SLC45A4: variants seen among roughly 807,000 people sequenced by gnomAD.
SLC45A4 encodes the protein solute carrier family 45 member 4, also known as polyamine-transporter SLC45A4.
Under a neutral mutation model 63.7 loss-of-function variants are expected in SLC45A4, and 32 were observed. That is an observed-to-expected ratio of 0.50 (90% CI 0.38 to 0.67). The LOEUF (loss-of-function observed/expected upper bound fraction) is 0.67. Ranked by LOEUF, SLC45A4 falls within the 30% of genes least tolerant of loss-of-function variation. SLC45A4 has a pLI of 0.00. For synonymous variants in SLC45A4, 535 were observed against 510.0 expected (o/e 1.05, Z -0.66); for missense variants, 1,027 against 1,157.7 (o/e 0.89, Z 1.64).
chr8:141,214,461 G>A (rs1362222761), intron 7 of SLC45A4, among the ~76,000 whole-genome samples: 1 of 152,168 alleles, frequency 6.6e-6, no homozygotes, highest in Non-Finnish European at 1.5e-5. Flanking sequence ...TCACACTGAT[G>A]CACTGAGGAT....
chr8:141,269,061 A>C (rs1297072358), intron 1 of SLC45A4, among the ~76,000 whole-genome samples: 1 of 152,160 alleles, frequency 6.6e-6, no homozygotes, highest in Non-Finnish European at 1.5e-5. Context: ...GACCCACTGG[A>C]TCAGAGACCA....
chr8:141,295,617 A>G (rs1830517191), intron 1 of SLC45A4, among the ~76,000 whole-genome samples: 1 of 152,198 alleles, frequency 6.6e-6, no homozygotes, highest in South Asian at 2.1e-4. Flanking sequence ...GGGACGCAGA[A>G]AACAGGGTAA....
intron 2 of SLC45A4, among the ~76,000 whole-genome samples, chr8:141,250,199 A>G (rs1263855516): frequency 2.0e-5 from 3 of 152,220 alleles, no homozygotes; most frequent in Non-Finnish European, 1.5e-5. Flanking sequence ...TGGGCTTATG[A>G]TGGTGGGACC....
rs150427043 is a variant in SLC45A4, at chr8:141,219,704, C to G, written c.556G>C (p.Val186Leu). 17 of 1,612,402 alleles carry G rather than the reference C, an allele frequency of 1.1e-5. 1 individual carries two copies. In the South Asian group the frequency reaches 1.8e-4, roughly 17 times the overall value. Residue 186 changes from valine to leucine, a missense_variant, in exon 4 of 9, where the codon GTG becomes CTG. Val to Leu is a conservative substitution (Grantham distance 32). Coordinates refer to ENST00000517878, the MANE Select transcript of SLC45A4 (RefSeq NM_001286646.2). The part of the protein sequence containing the change: ...EGPIRAYLLD[V>L]VDSEEQDMAL... ...ATGTCCTGCTCCTCGCTGTCCACCACGTCCAGCAGATAGGCACGGATGGGC... is the reference window on the plus strand; with the variant it reads ...ATGTCCTGCTCCTCGCTGTCCACCAGGTCCAGCAGATAGGCACGGATGGGC...
In SLC45A4 at chr8:141,208,368, G is replaced by A. The variant is rs1313460309; in HGVS notation, c.*3204C>T. Reference sequence around the variant, plus strand: ...TGCAGCTCCCCCTTCCAGCCCTCTTGTTGCTGCAGGGACGGCTTCCTGTTC... The same window carrying A: ...TGCAGCTCCCCCTTCCAGCCCTCTTATTGCTGCAGGGACGGCTTCCTGTTC... On this transcript the variant is annotated 3_prime_UTR_variant, in exon 9 of 9. Coordinates refer to ENST00000517878, the MANE Select transcript of SLC45A4 (RefSeq NM_001286646.2). The A allele has an allele frequency of 3.3e-5, 5 of 152,108 alleles. No individual in the cohort carries two copies. Among genetic ancestry groups the A allele is most frequent in the Admixed American group, 3.3e-4 (5 of 15,274 alleles). The allele number at this position is 152,108 out of a possible 1,614,324, so 9.4% of individuals were successfully genotyped here.
intron 2 of SLC45A4, chr8:141,253,297 G>A (rs547216830): frequency 2.1e-5 from 4 of 190,430 alleles, no homozygotes; most frequent in African/African-American, 2.4e-5. Flanking sequence ...ACCTGCGTGT[G>A]TCTGTGAATT....
At chr8:141,212,579 C>T (rs749394330) in intron 7 of SLC45A4, 23 bp from the exon 8 acceptor site, 11 of 1,572,308 alleles carry the variant, frequency 7.0e-6, no homozygotes, top group South Asian at 4.6e-5. Context: ...AAACACGAGG[C>T]GGTGAGCGGC....
chr8:141,245,847 G>A (rs1480555484), intron 2 of SLC45A4, among the ~76,000 whole-genome samples: 1 of 152,200 alleles, frequency 6.6e-6, no homozygotes, highest in African/African-American at 2.4e-5. Context: ...TAAGGATGGT[G>A]CAGGCTGAAT....
chr8:141,302,070 A>AT (rs917476089), intron 1 of SLC45A4, among the ~76,000 whole-genome samples: 5 of 152,202 alleles, frequency 3.3e-5, no homozygotes, highest in Non-Finnish European at 5.9e-5. Flanking sequence ...CAATTTGTTC[A>AT]TTTTTTAAAA....
rs929717112 is a variant in SLC45A4, at chr8:141,218,092, G to A, written c.1548C>T (p.Leu516=). The A allele has an allele frequency of 1.2e-6, 2 of 1,612,778 alleles. No homozygotes were observed. The highest frequency in any genetic ancestry group is 1.7e-6 in the Non-Finnish European group (2 of 1,179,966). ...CGGCGATGACAGAGAACCAGGTGAG[G>A]AGGTGGCAGAGGCACAGCCGCATCA... ...RELMRLCLCH[L]LTWFSVIAEA... is the part of the protein sequence containing the mutation. Residue 516 remains leucine, a synonymous_variant, in exon 5 of 9, where the codon CTC becomes CTT. Transcript: ENST00000517878.
chr8:141,306,431 G>A (rs1830900162), intron 1 of SLC45A4, among the ~76,000 whole-genome samples: 1 of 111,972 alleles, frequency 8.9e-6, no homozygotes, highest in Admixed American at 1.0e-4. Flanking sequence ...TCCTCCACCC[G>A]GAACCTGCAG....
intron 8 of SLC45A4, 101 bp downstream of exon 8, chr8:141,212,096 G>T: frequency 7.0e-7 from 1 of 1,431,220 alleles, no homozygotes. Flanking sequence ...CATCTGCAGG[G>T]TTCCGCGGTG....
chr8:141,283,736 G>A (rs996772438), intron 1 of SLC45A4, among the ~76,000 whole-genome samples: 16 of 152,206 alleles, frequency 1.1e-4, no homozygotes, highest in African/African-American at 3.9e-4. Flanking sequence ...ACTTCCACGT[G>A]GACCCAGAAG....
chr8:141,294,271 T>G (rs1830461380), intron 1 of SLC45A4, among the ~76,000 whole-genome samples: 1 of 152,158 alleles, frequency 6.6e-6, no homozygotes, highest in African/African-American at 2.4e-5. Context: ...TCAGGGTGGC[T>G]GGACAGAAGC....
chr8:141,272,673 T>A (rs978313677), intron 1 of SLC45A4, among the ~76,000 whole-genome samples: 1 of 151,980 alleles, frequency 6.6e-6, no homozygotes, highest in Admixed American at 6.6e-5. Context: ...TCACCCCCCC[T>A]ACTCCTGCTA....
At chr8:141,219,106 C>T in intron 4 of SLC45A4, 77 bp from the exon 5 acceptor site, 1 of 1,516,706 alleles carries the variant, frequency 6.6e-7, no homozygotes, top group Admixed American at 2.0e-5. Context: ...GGGCCTCTCC[C>T]TCTAACAGGG....
At chr8:141,302,688 C>T (rs1589870083) in intron 1 of SLC45A4, among the ~76,000 whole-genome samples, 1 of 152,326 alleles carries the variant, frequency 6.6e-6, no homozygotes, top group East Asian at 1.9e-4. Context: ...TGCTTGACAG[C>T]AATGTAACTC....
chr8:141,212,248 C>T lies in SLC45A4; in HGVS notation c.2250G>A (p.Leu750=), dbSNP rs1477730186. The change falls in exon 8 of 9, where the codon CTG becomes CTA. Residue 750 remains leucine, a synonymous_variant. Coordinates refer to ENST00000517878, the MANE Select transcript of SLC45A4 (RefSeq NM_001286646.2). The part of the protein sequence containing the change: ...AGGNSEKPTV[L]KLTRKEGLQG... ...GCAGGCCCTCCTTCCGCGTGAGCTT[C>T]AGCACGGTGGGCTTTTCGCTGTTCC... The T allele has an allele frequency of 7.0e-6, 11 of 1,577,134 alleles. No individual in the cohort carries two copies. Among genetic ancestry groups the T allele is most frequent in the Non-Finnish European group, 8.6e-6 (10 of 1,159,922 alleles).
At chr8:141,253,353 T>G (rs1275402484) in intron 2 of SLC45A4, 1 of 202,276 alleles carries the variant, frequency 4.9e-6, no homozygotes, top group East Asian at 1.9e-4. Context: ...TTCCGTGTTT[T>G]CATGCCCACC....
Sources: allele counts gnomAD v4.1 joint callset (sites outside exome capture counted in the v4.1 genomes callset), GRCh38; gene constraint gnomAD v4.1.1; transcripts MANE v1.5; gene names NCBI Gene and HGNC (gene_info 2026-07-23, HGNC 2026-07-21).